Variants in KLF12 observed in about 807,000 individuals in gnomAD.
KLF12 encodes Krueppel-like factor 12.
KLF12 carries 9 observed loss-of-function variants against 37.8 expected under a neutral mutation model. The ratio of observed to expected loss-of-function variants is 0.24; its 90% CI spans 0.14 to 0.42. The LOEUF (loss-of-function observed/expected upper bound fraction) is 0.42. Among genes scored for constraint, KLF12 ranks in the 10% least tolerant of loss-of-function variants. The pLI, the probability that KLF12 is intolerant of heterozygous loss-of-function variation, is 1.00. For missense variants in KLF12, 411 were observed against 516.0 expected (o/e 0.80, Z 1.97); for synonymous variants, 208 against 202.1 (o/e 1.03, Z -0.25).
intron 1 of KLF12, among the ~76,000 whole-genome samples, chr13:74,022,011 TGCAGGATGAAG>T (rs1892853812): frequency 6.6e-6 from 1 of 152,098 alleles, no homozygotes; most frequent in African/African-American, 2.4e-5. Context: ...AGGAAATGAG[TGCAGGATGAAG>T]GCGGCTTTCA....
rs376227889 is a variant in KLF12, at chr13:73,714,877, A to C, written c.1027+491T>G. Among the ~76,000 whole-genome samples the C allele has an allele frequency of 9.2e-5, 14 of 152,354 alleles. No homozygotes were observed. The East Asian group carries it at 2.7e-3, about 29-fold the overall frequency. ...CCTATATAAAAAAAATACCAGTGTG[A>C]ATCAACTGGAGTTATGCCTGAATGT... On this transcript the variant is annotated intron_variant, in intron 7 of 7. Transcript: ENST00000377669.
At chr13:73,881,948 C>CT (rs774177017) in intron 3 of KLF12, among the ~76,000 whole-genome samples, 7 of 152,180 alleles carry the variant, frequency 4.6e-5, no homozygotes, top group Non-Finnish European at 1.0e-4. Context: ...GTAACTGGGT[C>CT]TTTTTCATCC....
chr13:73,916,074 A>G (rs1888813717), intron 3 of KLF12, among the ~76,000 whole-genome samples: 1 of 152,046 alleles, frequency 6.6e-6, no homozygotes, highest in African/African-American at 2.4e-5. Flanking sequence ...TTATGATTTT[A>G]TCTGTTCTGT....
intron 2 of KLF12, among the ~76,000 whole-genome samples, chr13:73,951,915 C>A (rs931437473): frequency 6.6e-6 from 1 of 152,170 alleles, no homozygotes; most frequent in Non-Finnish European, 1.5e-5. Context: ...GTACTCCTAT[C>A]CTAGCCTTGA....
chr13:74,117,729 C>T lies in KLF12; in HGVS notation c.-32+16010G>A, dbSNP rs1288111537. Among the ~76,000 whole-genome samples the T allele has an allele frequency of 2.0e-5, 3 of 152,148 alleles. No homozygotes were observed. The East Asian group carries it at 5.8e-4, about 29-fold the overall frequency. On this transcript the variant is annotated intron_variant, in intron 1 of 7. Transcript: ENST00000377669. ...GTGATACACTGAGAAGGGTTCGTCACCTATGTGATATTGTTTTCCAATACC... is the reference window on the plus strand; with the variant it reads ...GTGATACACTGAGAAGGGTTCGTCATCTATGTGATATTGTTTTCCAATACC...
chr13:73,998,845 T>C (rs1254100598), intron 1 of KLF12, among the ~76,000 whole-genome samples: 1 of 152,230 alleles, frequency 6.6e-6, no homozygotes, highest in African/African-American at 2.4e-5. Context: ...TGGAGATAAA[T>C]GCAAATCTAA....
At chr13:74,271,285 C>A in the KLF12 span, among the ~76,000 whole-genome samples, 1 of 152,154 alleles carries the variant, frequency 6.6e-6, no homozygotes, top group African/African-American at 2.4e-5. Flanking sequence ...GAATAACTTT[C>A]TGTTGTCTGC....
intron 5 of KLF12, among the ~76,000 whole-genome samples, chr13:73,785,783 T>C (rs569668330): frequency 6.6e-6 from 1 of 152,278 alleles, no homozygotes; most frequent in Admixed American, 6.5e-5. Flanking sequence ...AAGGAGGTGG[T>C]TGGCATCTCG....
chr13:73,989,970 C>T (rs2138236578), intron 2 of KLF12, among the ~76,000 whole-genome samples: 1 of 80,508 alleles, frequency 1.2e-5, no homozygotes, highest in Middle Eastern at 0.011. Context: ...TCAGGAAGTA[C>T]AAGGGTTCAC....
chr13:74,244,254 A>G, the KLF12 span, among the ~76,000 whole-genome samples: 1 of 152,212 alleles, frequency 6.6e-6, no homozygotes, highest in Non-Finnish European at 1.5e-5. Context: ...TAGAGGTATC[A>G]TGATGTAGCT....
intron 4 of KLF12, among the ~76,000 whole-genome samples, chr13:73,830,337 A>C (rs896537358): frequency 2.0e-5 from 3 of 152,206 alleles, no homozygotes; most frequent in South Asian, 2.1e-4. Flanking sequence ...ACTCTTTGAT[A>C]AACTTAATAA....
At chr13:74,009,751 G>A (rs1285074328) in intron 1 of KLF12, among the ~76,000 whole-genome samples, 1 of 152,144 alleles carries the variant, frequency 6.6e-6, no homozygotes, top group Non-Finnish European at 1.5e-5. Flanking sequence ...AATTGTCACT[G>A]CAGCATTTAC....
chr13:73,800,065 ATTTT>A (rs1421014957), intron 5 of KLF12: 1 of 152,168 alleles, frequency 6.6e-6, no homozygotes, highest in South Asian at 2.1e-4. Flanking sequence ...AGCTGATTAT[ATTTT>A]TTGTCATTTT....
chr13:74,175,009 A>G, the KLF12 span, among the ~76,000 whole-genome samples: 2 of 152,166 alleles, frequency 1.3e-5, no homozygotes, highest in Non-Finnish European at 2.9e-5. Flanking sequence ...GCCACTAACC[A>G]CAGCACCCTA....
chr13:74,102,978 ACTCT>A (rs1460280447), intron 1 of KLF12, among the ~76,000 whole-genome samples: 1 of 152,108 alleles, frequency 6.6e-6, no homozygotes, highest in Non-Finnish European at 1.5e-5. Context: ...CTCCCTTGGA[ACTCT>A]ATTCACCTGT....
intron 6 of KLF12, among the ~76,000 whole-genome samples, chr13:73,730,303 G>A (rs1010475957): frequency 4.6e-5 from 7 of 152,052 alleles, no homozygotes; most frequent in East Asian, 1.9e-4. Context: ...TCAACTGTAC[G>A]CAAAAGAAGA....
intron 1 of KLF12, among the ~76,000 whole-genome samples, chr13:74,083,530 AC>A (rs1875064445): frequency 6.6e-6 from 1 of 151,512 alleles, no homozygotes; most frequent in Non-Finnish European, 1.5e-5. Context: ...ACACACACAC[AC>A]ACACACACAA....
intron 5 of KLF12, among the ~76,000 whole-genome samples, chr13:73,805,669 GAA>G (rs1566380459): frequency 0.011 from 1,173 of 104,220 alleles, 36 homozygotes; most frequent in Non-Finnish European, 0.018. Flanking sequence ...AGGAAGGAAG[GAA>G]GGAAGGAAGG....
intron 1 of KLF12, among the ~76,000 whole-genome samples, chr13:74,031,698 G>A (rs530715621): frequency 2.5e-4 from 38 of 150,286 alleles, no homozygotes; most frequent in Admixed American, 5.9e-4. Flanking sequence ...TATCATGATA[G>A]ATATTCCATG....
Sources: allele counts gnomAD v4.1 joint callset (sites outside exome capture counted in the v4.1 genomes callset), GRCh38; gene constraint gnomAD v4.1.1; transcripts MANE v1.5; gene names NCBI Gene and HGNC (gene_info 2026-07-23, HGNC 2026-07-21).